Variants in IARS1 observed in about 807,000 individuals in gnomAD.
IARS1 encodes the protein isoleucine--tRNA ligase, cytoplasmic.
Under a neutral mutation model 168.2 loss-of-function variants are expected in IARS1, and 124 were observed. That is an observed-to-expected ratio of 0.74 (90% CI 0.64 to 0.86). The LOEUF (loss-of-function observed/expected upper bound fraction) is 0.86. Ranked by LOEUF, IARS1 falls within the 40% of genes least tolerant of loss-of-function variation. IARS1 has a pLI of 0.00. For synonymous variants in IARS1, 532 were observed against 529.4 expected (o/e 1.00, Z -0.07); for missense variants, 1,452 against 1,515.8 (o/e 0.96, Z 0.70).
In IARS1 at chr9:92,247,376, C is replaced by A; in HGVS notation, c.2791+1G>T. The A allele has an allele frequency of 1.9e-6, 3 of 1,613,152 alleles. No individual in the cohort carries two copies. The highest frequency in any genetic ancestry group is 2.5e-6 in the Non-Finnish European group (3 of 1,179,596). ...GTGCCCTTGTCTGTGTAGACACCTACCAGTCTTCTGGAACTGCTCCAGCTC... is the reference window on the plus strand; with the variant it reads ...GTGCCCTTGTCTGTGTAGACACCTAACAGTCTTCTGGAACTGCTCCAGCTC... On this transcript the variant is annotated splice_donor_variant, in intron 26 of 33. Coordinates refer to ENST00000443024, the MANE Select transcript of IARS1 (RefSeq NM_002161.6). LOFTEE classifies it high-confidence loss of function.
chr9:92,272,880 A>C (rs866555520), intron 10 of IARS1, among the ~76,000 whole-genome samples: 4,560 of 151,312 alleles, frequency 0.03, 116 homozygotes, highest in South Asian at 0.077. Context: ...AAAAAAAAAA[A>C]AAAAAAATTT....
Position 92,293,603 on chromosome 9 carries a change from G to C in IARS1, c.-8+8C>G, listed in dbSNP as rs1355439676. The C allele has an allele frequency of 8.2e-6, 3 of 367,036 alleles. No homozygotes were observed. Among genetic ancestry groups the C allele is most frequent in the Admixed American group, 3.6e-5 (1 of 27,994 alleles). 22.7% of individuals were successfully genotyped at this position (367,036 alleles called of 1,614,324 possible). A position where few individuals can be genotyped will look rare whatever the true frequency, so the allele number is the denominator to read the frequency against. ...AGGGCCGGATCCTGCAGGGAAGAGA[G>C]GGCGTACCTGAGGGGCCTCGCGTGC... On this transcript the variant is annotated splice_region_variant and intron_variant, in intron 1 of 33. Coordinates refer to ENST00000443024, the MANE Select transcript of IARS1 (RefSeq NM_002161.6).
At position 92,285,768 on chromosome 9, in the gene IARS1, G is replaced by C; in HGVS notation, c.551C>G (p.Ala184Gly). The change falls in exon 6 of 34, where the codon GCA becomes GGA. Residue 184 changes from alanine to glycine, a missense_variant. Physicochemically the swap from Ala to Gly is moderately conservative, Grantham distance 60. Coordinates refer to ENST00000443024, the MANE Select transcript of IARS1 (RefSeq NM_002161.6). Reference protein sequence around the residue: ...RGVKVMPFSTACNTPLSNFES... With the variant: ...RGVKVMPFSTGCNTPLSNFES... ...GAAGTTGGAAAGTGGAGTGTTACATGCCGTAGAGAAGGGCATGACTTTCAC... is the reference window on the plus strand; with the variant it reads ...GAAGTTGGAAAGTGGAGTGTTACATCCCGTAGAGAAGGGCATGACTTTCAC... The C allele has an allele frequency of 6.2e-7, 1 of 1,613,464 alleles. No individual in the cohort carries two copies. Among genetic ancestry groups the C allele is most frequent in the Non-Finnish European group, 8.5e-7 (1 of 1,179,412 alleles).
At chr9:92,230,157 C>G (rs1291980607) in intron 30 of IARS1, among the ~76,000 whole-genome samples, 2 of 151,762 alleles carry the variant, frequency 1.3e-5, no homozygotes, top group East Asian at 3.9e-4. Flanking sequence ...GTCGCTCAGG[C>G]TAGAATGCAG....
chr9:92,247,229 G>GT, intron 26 of IARS1, 148 bp downstream of exon 26: 1 of 610,290 alleles, frequency 1.6e-6, no homozygotes, highest in Admixed American at 3.3e-5. Flanking sequence ...AGAGAAGAGA[G>GT]TAAGGAAAGG....
chr9:92,215,620 A>G (rs893497019), intron 33 of IARS1, among the ~76,000 whole-genome samples: 2 of 152,126 alleles, frequency 1.3e-5, no homozygotes, highest in African/African-American at 4.8e-5. Flanking sequence ...AACTACGTGA[A>G]GAATGCAGAA....
At position 92,210,649 on chromosome 9, in the gene IARS1, C is replaced by T. The variant is rs1587666368; in HGVS notation, c.*158G>A. On this transcript the variant is annotated 3_prime_UTR_variant, in exon 34 of 34. Transcript: ENST00000443024. Reference sequence around the variant, plus strand: ...TACTGTGAGGTCTCAAGTTACTTGACTAATCAATCCCATTTGAATTTCAAT... The same window carrying T: ...TACTGTGAGGTCTCAAGTTACTTGATTAATCAATCCCATTTGAATTTCAAT... 1.1e-5 allele frequency: 6 copies of T among 570,698 alleles called. No homozygotes were observed. Among genetic ancestry groups the T allele is most frequent in the Non-Finnish European group, 1.9e-5 (6 of 310,770 alleles). The allele number at this position is 570,698 out of a possible 1,614,324, so 35.4% of individuals were successfully genotyped here.
chr9:92,277,550 T>C (rs1833937676), intron 9 of IARS1, among the ~76,000 whole-genome samples: 1 of 151,956 alleles, frequency 6.6e-6, no homozygotes, highest in Non-Finnish European at 1.5e-5. Flanking sequence ...TGGTGCTGTG[T>C]GCCAGTAGTC....
At chr9:92,224,918 A>C (rs1441554851) in intron 31 of IARS1, among the ~76,000 whole-genome samples, 1 of 152,174 alleles carries the variant, frequency 6.6e-6, no homozygotes, top group African/African-American at 2.4e-5. Context: ...TGCCCAATGG[A>C]TTGATGAACA....
chr9:92,250,891 C>T lies in IARS1; in HGVS notation c.2308-57G>A, dbSNP rs938692864. The stretch of plus-strand genomic sequence containing the variant: ...ATATGCAGTCATCAACAACTGATCT[C>T]ATTTATACTGAGAAACAACTAAACA... On this transcript the variant is annotated intron_variant, in intron 22 of 33. Transcript: ENST00000443024. The T allele has an allele frequency of 5.9e-6, 9 of 1,528,868 alleles. No homozygotes were observed. In the African/African-American group the frequency reaches 1.2e-4, roughly 21 times the overall value. 94.7% of individuals were successfully genotyped at this position (1,528,868 alleles called of 1,614,324 possible).
chr9:92,228,956 C>T (rs1233295026), intron 31 of IARS1, 45 bp downstream of exon 31: 9 of 1,607,856 alleles, frequency 5.6e-6, no homozygotes, highest in Non-Finnish European at 7.6e-6. Context: ...CTTCACCAAT[C>T]CATCTTGAGT....
At position 92,270,057 on chromosome 9, in the gene IARS1, T is replaced by C. The variant is rs1832802827; in HGVS notation, c.1206-74A>G. On this transcript the variant is annotated intron_variant, in intron 12 of 33. Coordinates refer to ENST00000443024, the MANE Select transcript of IARS1 (RefSeq NM_002161.6). ...GCACTACGGTAAGACTGACTTTTCA[T>C]GTCTTATTGACAGCATCATCACTTA... is the stretch of plus-strand genomic sequence containing the variant. 8.0e-6 allele frequency: 7 copies of C among 877,018 alleles called. 1 individual carries two copies. Among genetic ancestry groups the C allele is most frequent in the South Asian group, 2.7e-5 (2 of 73,514 alleles). The allele number at this position is 877,018 out of a possible 1,614,324, so 54.3% of individuals were successfully genotyped here.
At chr9:92,212,841 T>G (rs958026456) in intron 33 of IARS1, among the ~76,000 whole-genome samples, 1 of 152,066 alleles carries the variant, frequency 6.6e-6, no homozygotes, top group Non-Finnish European at 1.5e-5. Context: ...GGATCTTGTG[T>G]GGAAGGGAAG....
intron 18 of IARS1, among the ~76,000 whole-genome samples, chr9:92,259,277 A>G (rs909899804): frequency 1.3e-5 from 2 of 152,206 alleles, no homozygotes; most frequent in Non-Finnish European, 2.9e-5. Flanking sequence ...TGCAGGACCA[A>G]TGGGGTACAC....
At chr9:92,265,188 C>G in intron 15 of IARS1, 65 bp from the exon 16 acceptor site, 1 of 1,364,710 alleles carries the variant, frequency 7.3e-7, no homozygotes, top group Non-Finnish European at 1.0e-6. Context: ...AGTTTAATTG[C>G]TAATAGGAAA....
At chr9:92,264,780 G>A in intron 16 of IARS1, 149 bp downstream of exon 16, 2 of 654,000 alleles carry the variant, frequency 3.1e-6, no homozygotes, top group Admixed American at 3.2e-5. Context: ...TCCGTGCTTG[G>A]TGGTGGAGGG....
chr9:92,228,794 G>C (rs771408134), intron 31 of IARS1, among the ~76,000 whole-genome samples: 1 of 152,102 alleles, frequency 6.6e-6, no homozygotes, highest in African/African-American at 2.4e-5. Flanking sequence ...GGAAAGATTA[G>C]ATCCATTAAG....
intron 33 of IARS1, among the ~76,000 whole-genome samples, 188 bp from the exon 34 acceptor site, chr9:92,211,077 T>C (rs1021324272): frequency 6.6e-6 from 1 of 152,194 alleles, no homozygotes; most frequent in Non-Finnish European, 1.5e-5. Context: ...TTGTTTCTCA[T>C]GGTGGGTATG....
chr9:92,213,114 A>G (rs1838041678), intron 33 of IARS1, among the ~76,000 whole-genome samples: 1 of 152,100 alleles, frequency 6.6e-6, no homozygotes, highest in African/African-American at 2.4e-5. Context: ...TAAAAGTACG[A>G]TATGCAACTA....
Sources: allele counts gnomAD v4.1 joint callset (sites outside exome capture counted in the v4.1 genomes callset), GRCh38; gene constraint gnomAD v4.1.1; transcripts MANE v1.5; gene names NCBI Gene and HGNC (gene_info 2026-07-23, HGNC 2026-07-21).